The following ACKR2 variants were observed in gnomAD, a reference collection of about 807,000 sequenced individuals.
The protein encoded by ACKR2 is C-C chemokine receptor D6.
For synonymous variants in ACKR2, 207 were observed against 192.2 expected (o/e 1.08, Z -0.64); for missense variants, 457 against 477.3 (o/e 0.96, Z 0.40).
chr3:42,814,412 G>C (rs1318472386), intron 1 of ACKR2, among the ~76,000 whole-genome samples: 1 of 152,172 alleles, frequency 6.6e-6, no homozygotes, highest in Non-Finnish European at 1.5e-5. Flanking sequence ...CCCCTCTTCA[G>C]AGAGCCTCTG....
rs771353336 is a variant in ACKR2, at chr3:42,865,301, A to C, written c.799A>C (p.Asn267His). 10 of 1,614,206 alleles carry C rather than the reference A, an allele frequency of 6.2e-6. No individual in the cohort carries two copies. The change falls in exon 3 of 3, where the codon AAT becomes CAT. Residue 267 changes from asparagine to histidine, a missense_variant. By Grantham distance (68) the Asn-to-His change is moderately conservative. Transcript: ENST00000422265. ...CTTCTTCGTGCTATGGTTCCCATAC[A>C]ATCTCACCTTGTTTCTGCATACGCT... ...VAFFVLWFPY[N>H]LTLFLHTLLD...
intron 2 of ACKR2, among the ~76,000 whole-genome samples, chr3:42,857,747 T>G (rs1287879162): frequency 6.6e-6 from 1 of 152,226 alleles, no homozygotes; most frequent in African/African-American, 2.4e-5. Context: ...TTAAAAATTC[T>G]CAAAAAGCAA....
At chr3:42,829,112 A>T (rs1700903086) in intron 2 of ACKR2, among the ~76,000 whole-genome samples, 1 of 152,124 alleles carries the variant, frequency 6.6e-6, no homozygotes, top group South Asian at 2.1e-4. Context: ...CGATCTTTGG[A>T]TGGAGAGAAG....
intron 2 of ACKR2, among the ~76,000 whole-genome samples, chr3:42,833,004 C>T (rs1378975866): frequency 6.6e-6 from 1 of 152,234 alleles, no homozygotes; most frequent in Non-Finnish European, 1.5e-5. Context: ...GCTGGGACTA[C>T]AGGCATGTGC....
At chr3:42,860,917 T>C (rs926118271) in intron 2 of ACKR2, among the ~76,000 whole-genome samples, 31 of 152,050 alleles carry the variant, frequency 2.0e-4, no homozygotes, top group Non-Finnish European at 4.4e-4. Context: ...GCAGGAAAGA[T>C]TTAAAATCGA....
chr3:42,833,521 ATTCCG>A (rs1575380906), intron 2 of ACKR2, among the ~76,000 whole-genome samples: 2 of 152,132 alleles, frequency 1.3e-5, no homozygotes, highest in East Asian at 3.9e-4. Context: ...GATATTTTAC[ATTCCG>A]TTATTTGTAC....
chr3:42,822,312 A>G (rs4682860), intron 2 of ACKR2, among the ~76,000 whole-genome samples: 83,564 of 151,968 alleles, frequency 0.55, 23,573 homozygotes, highest in East Asian at 0.68. Context: ...AATTTATATT[A>G]TTGCTATAAT....
At chr3:42,859,319 G>A (rs2088356349) in intron 2 of ACKR2, among the ~76,000 whole-genome samples, 1 of 152,138 alleles carries the variant, frequency 6.6e-6, no homozygotes, top group Admixed American at 6.5e-5. Flanking sequence ...CAGACTAACA[G>A]CTGATCTCTC....
At chr3:42,863,107 A>G (rs2088401153) in intron 2 of ACKR2, among the ~76,000 whole-genome samples, 1 of 152,218 alleles carries the variant, frequency 6.6e-6, no homozygotes, top group Non-Finnish European at 1.5e-5. Flanking sequence ...CAATCTATCC[A>G]TCTGACAAAG....
chr3:42,816,117 G>A (rs1248500124), intron 1 of ACKR2, among the ~76,000 whole-genome samples: 1 of 151,978 alleles, frequency 6.6e-6, no homozygotes, highest in African/African-American at 2.4e-5. Context: ...TAATTGTTAC[G>A]ACATTCTGTG....
At chr3:42,857,213 A>G (rs928182957) in intron 2 of ACKR2, among the ~76,000 whole-genome samples, 7 of 152,262 alleles carry the variant, frequency 4.6e-5, no homozygotes, top group Admixed American at 4.6e-4. Flanking sequence ...TTATTAAAAG[A>G]GTATCTTGTA....
chr3:42,821,492 G>A (rs1700809121), intron 2 of ACKR2, among the ~76,000 whole-genome samples: 2 of 152,076 alleles, frequency 1.3e-5, no homozygotes, highest in South Asian at 4.1e-4. Flanking sequence ...AACTCTACAA[G>A]TGTGTATTAT....
chr3:42,852,707 C>T lies in ACKR2; in HGVS notation c.-37-11759C>T, dbSNP rs1010794089. The stretch of plus-strand genomic sequence containing the variant: ...CCAGACGTGGCTCTGGGCATGAAAA[C>T]AGACAAACAGGATACACTAAGATGT... On this transcript the variant is annotated intron_variant, in intron 2 of 2. Transcript: ENST00000422265. This position sits in a 1 kb window ranked among gnomAD's most constrained non-coding sequence, Gnocchi z 4.3. Among the ~76,000 whole-genome samples the T allele has an allele frequency of 6.6e-6, 1 of 152,206 alleles. No individual in the cohort carries two copies. The highest frequency in any genetic ancestry group is 1.5e-5 in the Non-Finnish European group (1 of 68,036).
At chr3:42,843,939 T>C (rs1474305360) in intron 2 of ACKR2, 1 of 152,202 alleles carries the variant, frequency 6.6e-6, no homozygotes, top group African/African-American at 2.4e-5. Context: ...CACTCTGATA[T>C]GTGATGTGGG....
At chr3:42,859,806 C>T (rs1034412930) in intron 2 of ACKR2, among the ~76,000 whole-genome samples, 2 of 152,024 alleles carry the variant, frequency 1.3e-5, no homozygotes, top group Non-Finnish European at 2.9e-5. Flanking sequence ...TTGTCACAAC[C>T]AGGCCTGCCT....
At chr3:42,849,266 C>G (rs1701128062) in intron 2 of ACKR2, among the ~76,000 whole-genome samples, 1 of 152,172 alleles carries the variant, frequency 6.6e-6, no homozygotes, top group Non-Finnish European at 1.5e-5. Flanking sequence ...CGTTGGGAGG[C>G]TGAGGCAGGT....
At chr3:42,810,963 C>T (rs1700688825) in intron 1 of ACKR2, among the ~76,000 whole-genome samples, 1 of 152,208 alleles carries the variant, frequency 6.6e-6, no homozygotes. Context: ...CAGGCTCAAG[C>T]GATTCTCATG....
chr3:42,856,736 C>T (rs1230371401), intron 2 of ACKR2, among the ~76,000 whole-genome samples: 1 of 151,654 alleles, frequency 6.6e-6, no homozygotes, highest in East Asian at 2.0e-4. Context: ...GGCCCGTGAC[C>T]ATCAGCAGTC....
chr3:42,837,698 A>G (rs1035657410), intron 2 of ACKR2, among the ~76,000 whole-genome samples: 3 of 152,168 alleles, frequency 2.0e-5, no homozygotes. Flanking sequence ...ACACCTTCAC[A>G]AACACACCCC....
Sources: allele counts gnomAD v4.1 joint callset (sites outside exome capture counted in the v4.1 genomes callset), GRCh38; gene constraint gnomAD v4.1.1; non-coding constraint Gnocchi (gnomAD v3.1); transcripts MANE v1.5; gene names NCBI Gene and HGNC (gene_info 2026-07-23, HGNC 2026-07-21).